AGPS: variants seen among roughly 807,000 people sequenced by gnomAD.
The protein encoded by AGPS is alkylglycerone phosphate synthase, also known as alkyldihydroxyacetonephosphate synthase, peroxisomal.
In AGPS, 26 loss-of-function variants were observed where a neutral mutation model predicts 90.7. The ratio of observed to expected loss-of-function variants is 0.29; its 90% CI spans 0.21 to 0.40. The LOEUF is 0.40. Ranked by LOEUF, AGPS falls within the 10% of genes least tolerant of loss-of-function variation. The pLI, the probability that AGPS is intolerant of heterozygous loss-of-function variation, is 1.00. For synonymous variants in AGPS, 294 were observed against 285.3 expected (o/e 1.03, Z -0.31); for missense variants, 540 against 816.1 (o/e 0.66, Z 4.12).
chr2:177,489,177 C>T (rs1038709036), intron 11 of AGPS, among the ~76,000 whole-genome samples: 6 of 151,674 alleles, frequency 4.0e-5, no homozygotes, highest in African/African-American at 1.2e-4. Flanking sequence ...CTCCGCCTCC[C>T]GGGTTCATGC....
intron 14 of AGPS, among the ~76,000 whole-genome samples, chr2:177,501,251 C>A (rs1197822665): frequency 1.3e-5 from 2 of 152,032 alleles, no homozygotes; most frequent in African/African-American, 4.8e-5. Flanking sequence ...CGTCTCTCTG[C>A]TCACACACAC....
intron 12 of AGPS, among the ~76,000 whole-genome samples, chr2:177,495,435 GA>G (rs1038249815): frequency 6.6e-6 from 1 of 152,152 alleles, no homozygotes; most frequent in Non-Finnish European, 1.5e-5. Context: ...AGCTAGGGAT[GA>G]ACCCAGATTT....
chr2:177,537,469 C>T (rs1003808151), intron 19 of AGPS, among the ~76,000 whole-genome samples: 1 of 151,900 alleles, frequency 6.6e-6, no homozygotes, highest in African/African-American at 2.4e-5. Flanking sequence ...TCTGGAAAAA[C>T]AGTAGGAAGA....
In AGPS at chr2:177,538,573, G is replaced by A. The variant is rs886055170; in HGVS notation, c.*378G>A. On this transcript the variant is annotated 3_prime_UTR_variant, in exon 20 of 20. Transcript: ENST00000264167. ...TCAGCTAGCCTCTTTTTAAAAGAACGTTTCTGGGAATCAGATGTCTAGGGA... is the reference window on the plus strand; with the variant it reads ...TCAGCTAGCCTCTTTTTAAAAGAACATTTCTGGGAATCAGATGTCTAGGGA... 2.4e-4 allele frequency: 72 copies of A among 295,966 alleles called. No individual in the cohort carries two copies. Among genetic ancestry groups the A allele is most frequent in the Non-Finnish European group, 6.4e-5 (10 of 155,124 alleles). The allele number at this position is 295,966 out of a possible 1,614,324, so 18.3% of individuals were successfully genotyped here.
intron 12 of AGPS, 37 bp from the exon 13 acceptor site, chr2:177,497,652 G>A (rs1341041569): frequency 1.7e-6 from 2 of 1,211,864 alleles, no homozygotes; most frequent in East Asian, 2.5e-5. Flanking sequence ...GAAAAACATA[G>A]ACTAACCTAT....
intron 10 of AGPS, among the ~76,000 whole-genome samples, chr2:177,469,928 A>G (rs901318859): frequency 2.0e-5 from 3 of 152,224 alleles, no homozygotes; most frequent in Non-Finnish European, 4.4e-5. Context: ...AGACAATTAT[A>G]CAACAGCGTG....
At chr2:177,495,389 T>C (rs1233156484) in intron 12 of AGPS, among the ~76,000 whole-genome samples, 1 of 152,192 alleles carries the variant, frequency 6.6e-6, no homozygotes, top group African/African-American at 2.4e-5. Context: ...CAAAGACTCA[T>C]TATTTTGACT....
chr2:177,505,598 T>A, intron 15 of AGPS, 23 bp downstream of exon 15: 1 of 1,584,492 alleles, frequency 6.3e-7, no homozygotes, highest in Non-Finnish European at 8.7e-7. Context: ...ATATTTCCCT[T>A]GCCACTTAAT....
At position 177,461,934 on chromosome 2, in the gene AGPS, C is replaced by T; in HGVS notation, c.912C>T (p.Ser304=). The T allele has an allele frequency of 6.2e-7, 1 of 1,612,338 alleles. No individual in the cohort carries two copies. The highest frequency in any genetic ancestry group is 8.5e-7 in the Non-Finnish European group (1 of 1,179,052). Residue 304 remains serine, a synonymous_variant, in exon 9 of 20, where the codon TCC becomes TCT. Coordinates refer to ENST00000264167, the MANE Select transcript of AGPS (RefSeq NM_003659.4). ...ATTGTACAGGTCATGAACCAGATTCCCTGGAGTTCAGTACTGTAGGAGGAT... is the reference window on the plus strand; with the variant it reads ...ATTGTACAGGTCATGAACCAGATTCTCTGGAGTTCAGTACTGTAGGAGGAT... The part of the protein sequence containing the change: ...SGYCTGHEPD[S]LEFSTVGGWV...
chr2:177,530,109 A>C (rs572593727), intron 19 of AGPS, among the ~76,000 whole-genome samples: 2 of 152,224 alleles, frequency 1.3e-5, no homozygotes, highest in Non-Finnish European at 2.9e-5. Flanking sequence ...AAAGGATTAC[A>C]GTGTATTTGA....
intron 1 of AGPS, among the ~76,000 whole-genome samples, chr2:177,418,940 A>G (rs994997559): frequency 1.3e-5 from 2 of 151,910 alleles, no homozygotes; most frequent in East Asian, 3.8e-4. Context: ...GATTAGAAAA[A>G]ATATTTGGTG....
chr2:177,414,916 G>GTGTGTGTGTGTGTA (rs1349826299), intron 1 of AGPS, among the ~76,000 whole-genome samples: 2 of 151,518 alleles, frequency 1.3e-5, no homozygotes, highest in Non-Finnish European at 2.9e-5. Flanking sequence ...GTGTGTGTGT[G>GTGTGTGTGTGTGTA]TGTGTATAAT....
At chr2:177,414,138 T>C (rs1322960863) in intron 1 of AGPS, among the ~76,000 whole-genome samples, 2 of 152,312 alleles carry the variant, frequency 1.3e-5, no homozygotes, top group East Asian at 3.9e-4. Context: ...CATTTATTCA[T>C]GATAAATGTA....
intron 8 of AGPS, among the ~76,000 whole-genome samples, chr2:177,447,561 ATT>A (rs1686815119): frequency 6.6e-6 from 1 of 151,344 alleles, no homozygotes; most frequent in East Asian, 1.9e-4. Flanking sequence ...TTGTATCTTT[ATT>A]ATAGCATTTG....
chr2:177,474,763 A>G (rs577333709), intron 10 of AGPS, among the ~76,000 whole-genome samples: 16 of 152,312 alleles, frequency 1.1e-4, no homozygotes, highest in African/African-American at 3.8e-4. Context: ...CAGCTGCATG[A>G]TATTCCATTC....
chr2:177,464,122 G>C (rs1687379449), intron 9 of AGPS, among the ~76,000 whole-genome samples: 1 of 152,012 alleles, frequency 6.6e-6, no homozygotes, highest in Admixed American at 6.6e-5. Context: ...TGTATTTTTA[G>C]TAGAGATAGG....
At chr2:177,528,995 A>G (rs562293241) in intron 19 of AGPS, among the ~76,000 whole-genome samples, 1 of 151,166 alleles carries the variant, frequency 6.6e-6, no homozygotes, top group African/African-American at 2.4e-5. Context: ...AGCTGGGATT[A>G]CAGGCTCCCG....
intron 17 of AGPS, among the ~76,000 whole-genome samples, chr2:177,518,944 G>A (rs1043344448): frequency 1.3e-5 from 2 of 151,970 alleles, no homozygotes; most frequent in Non-Finnish European, 2.9e-5. Context: ...AGGGAGAAAG[G>A]TGAGAAGATA....
intron 14 of AGPS, among the ~76,000 whole-genome samples, chr2:177,504,973 A>G (rs920769335): frequency 2.0e-5 from 3 of 152,096 alleles, no homozygotes; most frequent in African/African-American, 7.2e-5. Flanking sequence ...ATATGTTCAT[A>G]GTAGTAAGAC....
Sources: allele counts gnomAD v4.1 joint callset (sites outside exome capture counted in the v4.1 genomes callset), GRCh38; gene constraint gnomAD v4.1.1; transcripts MANE v1.5; gene names NCBI Gene and HGNC (gene_info 2026-07-23, HGNC 2026-07-21).